Variants in LRFN1 observed in about 807,000 individuals in gnomAD.
The protein encoded by LRFN1 is leucine rich repeat and fibronectin type III domain containing 1.
LRFN1 carries 20 observed loss-of-function variants against 31.8 expected under a neutral mutation model. The ratio of observed to expected loss-of-function variants is 0.63; its 90% CI spans 0.44 to 0.91. The LOEUF (loss-of-function observed/expected upper bound fraction) is 0.91. Among genes scored for constraint, LRFN1 ranks in the 40% least tolerant of loss-of-function variants. The pLI, the probability that LRFN1 is intolerant of heterozygous loss-of-function variation, is 0.00. For missense variants in LRFN1, 912 were observed against 1,129.8 expected (o/e 0.81, Z 2.76); for synonymous variants, 514 against 541.3 (o/e 0.95, Z 0.70).
intron 1 of LRFN1, among the ~76,000 whole-genome samples, chr19:39,320,363 C>T (rs1278275780): frequency 6.6e-6 from 1 of 151,812 alleles, no homozygotes; most frequent in African/African-American, 2.4e-5. Context: ...CGAGCGGGCA[C>T]ACCCGGCTCC....
Position 39,315,169 on chromosome 19 carries a change from C to T in LRFN1, c.168G>A (p.Leu56=). The T allele has an allele frequency of 1.3e-6, 2 of 1,589,790 alleles. No individual in the cohort carries two copies. Among genetic ancestry groups the T allele is most frequent in the Non-Finnish European group, 8.5e-7 (1 of 1,174,978 alleles). The change falls in exon 4 of 5, where the codon TTG becomes TTA. Residue 56 remains leucine, a synonymous_variant. Transcript: ENST00000248668. The surrounding 1 kb of genome is among the most constrained non-coding windows in gnomAD (Gnocchi z 4.7). ...TLTMLCAKTG[L]LFVPPAIDRR... ...GGTCGATGGCGGGCGGCACAAAGAGCAAGCCGGTCTTGGCGCACAGCATTG... is the reference window on the plus strand; with the variant it reads ...GGTCGATGGCGGGCGGCACAAAGAGTAAGCCGGTCTTGGCGCACAGCATTG...
At chr19:39,317,454 G>A (rs1489392897) in intron 2 of LRFN1, among the ~76,000 whole-genome samples, 1 of 152,200 alleles carries the variant, frequency 6.6e-6, no homozygotes, top group East Asian at 1.9e-4. Context: ...TGGCTGTGGG[G>A]TCTTCAGGGC....
Position 39,308,561 on chromosome 19 carries a change from T to TC in LRFN1, c.1407-20dup, listed in dbSNP as rs2145028807. 3.0e-6 allele frequency: 4 copies of TC among 1,336,606 alleles called. No individual in the cohort carries two copies. Among genetic ancestry groups the TC allele is most frequent in the South Asian group, 1.2e-5 (1 of 80,608 alleles). 82.8% of individuals were successfully genotyped at this position (1,336,606 alleles called of 1,614,324 possible). A position where few individuals can be genotyped will look rare whatever the true frequency, so the allele number is the denominator to read the frequency against. On this transcript the variant is annotated intron_variant, in intron 4 of 4. Coordinates refer to ENST00000248668, the MANE Select transcript of LRFN1 (RefSeq NM_020862.2). This position sits in a 1 kb window ranked among gnomAD's most constrained non-coding sequence, Gnocchi z 6.2. ...GATCATCCTGTAGGAGGGGGCGGGT[T>TC]CAGGGCGGGGTTAGTCCCCCCGAAC...
chr19:39,316,262 GATC>G (rs1372217913), intron 2 of LRFN1, 126 bp from the exon 3 acceptor site: 3 of 152,202 alleles, frequency 2.0e-5, no homozygotes, highest in African/African-American at 7.2e-5. Flanking sequence ...TCATCATCAT[GATC>G]ATCAAGTGCT....
intron 1 of LRFN1, among the ~76,000 whole-genome samples, chr19:39,320,017 C>T (rs923582880): frequency 5.3e-5 from 8 of 150,698 alleles, no homozygotes; most frequent in African/African-American, 2.0e-4. Flanking sequence ...CGGGTCTTCG[C>T]CCCCCAACCC....
At position 39,315,231 on chromosome 19, in the gene LRFN1, C is replaced by T. The variant is rs201998373; in HGVS notation, c.106G>A (p.Gly36Ser). ...AGASRGQPCP[G>S]RCICQNVAPT... ...GCCACGTTCTGGCAGATGCAGCGGC[C>T]GGGGCAGGGCTGGCCACGAGATGCC... Residue 36 changes from glycine (G) to serine (S), a missense_variant, in exon 4 of 5, where the codon GGC (glycine) becomes AGC (serine). Physicochemically the swap from Gly to Ser is moderately conservative, Grantham distance 56. Around this residue, in one of 2 missense-constraint regions of LRFN1, gnomAD observed 401 missense variants for 572.7 expected, o/e 0.70. Transcript: ENST00000248668. This position sits in a 1 kb window ranked among gnomAD's most constrained non-coding sequence, Gnocchi z 4.7. The T allele has an allele frequency of 1.1e-3, 1,666 of 1,560,164 alleles. 2 individuals carry two copies. Among genetic ancestry groups the T allele is most frequent in the Non-Finnish European group, 1.3e-3 (1,543 of 1,159,108 alleles).
In LRFN1 at chr19:39,315,941, C is replaced by G. The variant is rs2075170981; in HGVS notation, c.-38+141G>C. ...AGCTCCCAAACCTCTCATGATCTCC[C>G]AACCAGAGGGGTGACACCTGGCCCA... On this transcript the variant is annotated intron_variant, in intron 3 of 4. Coordinates refer to ENST00000248668, the MANE Select transcript of LRFN1 (RefSeq NM_020862.2). The surrounding 1 kb of genome is among the most constrained non-coding windows in gnomAD (Gnocchi z 4.7). 4.6e-5 allele frequency: 7 copies of G among 152,316 alleles called. No homozygotes were observed. The highest frequency in any genetic ancestry group is 3.9e-4 in the Admixed American group (6 of 15,280). 9.4% of individuals were successfully genotyped at this position (152,316 alleles called of 1,614,324 possible).
chr19:39,319,500 G>A (rs1331214455), intron 1 of LRFN1, among the ~76,000 whole-genome samples: 2 of 151,590 alleles, frequency 1.3e-5, no homozygotes, highest in South Asian at 2.1e-4. Flanking sequence ...ACTGGAACAC[G>A]CACACAGGCA....
chr19:39,313,438 C>T (rs993313956), intron 4 of LRFN1, among the ~76,000 whole-genome samples: 11 of 152,020 alleles, frequency 7.2e-5, no homozygotes, highest in African/African-American at 2.2e-4. Flanking sequence ...GGCTGAGGGA[C>T]GAGATTCGCT....
chr19:39,317,220 G>C (rs2075174739), intron 2 of LRFN1, among the ~76,000 whole-genome samples: 1 of 152,116 alleles, frequency 6.6e-6, no homozygotes, highest in African/African-American at 2.4e-5. Flanking sequence ...GAAAAATAGA[G>C]ACAGTATTAG....
rs755458726 is a variant in LRFN1 at position 39,308,435 on chromosome 19, G to A, written c.1514C>T (p.Pro505Leu). The A allele has an allele frequency of 6.2e-7, 1 of 1,611,068 alleles. No individual in the cohort carries two copies. The highest frequency in any genetic ancestry group is 1.7e-5 in the Admixed American group (1 of 59,888). ...AVYDDGATAL[P>L]ATRVVGCVQF... is the part of the protein sequence containing the mutation. ...TACACAGCCCACCACTCGCGTTGCC[G>A]GCAGCGCTGTGGCCCCGTCGTCGTA... Residue 505 changes from proline to leucine, a missense_variant, in exon 5 of 5, where the codon CCG becomes CTG. Physicochemically the swap from Pro to Leu is moderately conservative, Grantham distance 98. Transcript: ENST00000248668. The surrounding 1 kb of genome is among the most constrained non-coding windows in gnomAD (Gnocchi z 6.2).
At chr19:39,320,452 G>A (rs1411621801) in intron 1 of LRFN1, among the ~76,000 whole-genome samples, 2 of 151,716 alleles carry the variant, frequency 1.3e-5, no homozygotes, top group Non-Finnish European at 1.5e-5. Flanking sequence ...GCTTGGGGGG[G>A]ACCCACACCT....
At chr19:39,313,905 C>A in intron 4 of LRFN1, 26 bp downstream of exon 4, 1 of 1,562,918 alleles carries the variant, frequency 6.4e-7, no homozygotes, top group Non-Finnish European at 8.7e-7. Flanking sequence ...GGGAGGAGGC[C>A]CTGGGACTGC....
Position 39,308,495 on chromosome 19 carries a change from G to A in LRFN1, c.1454C>T (p.Ala485Val), listed in dbSNP as rs769885912. The change falls in exon 5 of 5, where the codon GCG (alanine) becomes GTG (valine). Residue 485 changes from alanine (A) to valine (V), a missense_variant. By Grantham distance (64) the Ala-to-Val change is moderately conservative (BLOSUM62 0). Around this residue, in one of 2 missense-constraint regions of LRFN1, gnomAD observed 511 missense variants for 557.0 expected, o/e 0.92. Transcript: ENST00000248668. The surrounding 1 kb of genome is among the most constrained non-coding windows in gnomAD (Gnocchi z 6.2). ...SQTFLVNDLAAGRAYDLCVLA... is the reference protein window; with the variant it reads ...SQTFLVNDLAVGRAYDLCVLA... ...CACGCACAAGTCGTAGGCACGGCCC[G>A]CCGCCAGGTCATTCACCAGGAAGGT... 12 of 1,601,102 alleles carry A rather than the reference G, an allele frequency of 7.5e-6. No homozygotes were observed. In the Admixed American group the frequency reaches 1.2e-4, roughly 16 times the overall value.
In LRFN1 at chr19:39,307,952, G is replaced by A; in HGVS notation, c.1997C>T (p.Ala666Val). ...EETSGEESRAAVGPRRSRSGA... is the reference protein window; with the variant it reads ...EETSGEESRAVVGPRRSRSGA... The stretch of plus-strand genomic sequence containing the variant: ...GGATCGGCTCCTTCGAGGGCCCACC[G>A]CGGCCCGAGACTCCTCCCCGGAAGT... The change falls in exon 5 of 5, where the codon GCG becomes GTG. Residue 666 changes from alanine (A) to valine (V), a missense_variant. Ala to Val is a moderately conservative substitution (Grantham distance 64). Coordinates refer to ENST00000248668, the MANE Select transcript of LRFN1 (RefSeq NM_020862.2). The surrounding 1 kb of genome is among the most constrained non-coding windows in gnomAD (Gnocchi z 6.7). 6.4e-7 allele frequency: 1 copy of A among 1,566,936 alleles called. No homozygotes were observed. The highest frequency in any genetic ancestry group is 8.6e-7 in the Non-Finnish European group (1 of 1,165,170).
At chr19:39,317,056 A>AG (rs2075174311) in intron 2 of LRFN1, among the ~76,000 whole-genome samples, 1 of 152,062 alleles carries the variant, frequency 6.6e-6, no homozygotes, top group Admixed American at 6.6e-5. Flanking sequence ...AGGGGGAGGG[A>AG]GAAGTGGACT....
At chr19:39,313,013 GAGAC>G (rs2075156298) in intron 4 of LRFN1, among the ~76,000 whole-genome samples, 1 of 152,154 alleles carries the variant, frequency 6.6e-6, no homozygotes, top group Non-Finnish European at 1.5e-5. Flanking sequence ...AGAGAAGGTA[GAGAC>G]AGACAGAGAG....
chr19:39,314,800 C>T lies in LRFN1; in HGVS notation c.537G>A (p.Trp179Ter). Residue 179 changes from tryptophan (W) to a stop codon, truncating the protein, a stop_gained, in exon 4 of 5, where the codon TGG (tryptophan) becomes TGA (stop). Coordinates refer to ENST00000248668, the MANE Select transcript of LRFN1 (RefSeq NM_020862.2). LOFTEE classifies it high-confidence loss of function. Reference protein sequence around the residue: ...LSYNNLEALPWEAVGQMVNLN... With the variant: ...LSYNNLEALP ...GGTTCACCATCTGGCCCACCGCCTC[C>T]CACGGCAGGGCCTCCAGGTTGTTGT... is the stretch of plus-strand genomic sequence containing the variant. The T allele has an allele frequency of 6.2e-7, 1 of 1,613,184 alleles. No individual in the cohort carries two copies. The highest frequency in any genetic ancestry group is 8.5e-7 in the Non-Finnish European group (1 of 1,179,562).
rs1446463078 is a variant in LRFN1, at chr19:39,308,417, C to A, written c.1532G>T (p.Gly511Val). 1 of 1,611,208 alleles carries A rather than the reference C, an allele frequency of 6.2e-7. No individual in the cohort carries two copies. Among genetic ancestry groups the A allele is most frequent in the Admixed American group, 1.7e-5 (1 of 59,822 alleles). The change falls in exon 5 of 5, where the codon GGC becomes GTC. Residue 511 changes from glycine (G) to valine (V), a missense_variant. Physicochemically the swap from Gly to Val is moderately radical, Grantham distance 109. Coordinates refer to ENST00000248668, the MANE Select transcript of LRFN1 (RefSeq NM_020862.2). The surrounding 1 kb of genome is among the most constrained non-coding windows in gnomAD (Gnocchi z 6.2). ...ATALPATRVV[G>V]CVQFTTAGDP... ...CCCAGCGGTGGTGAACTGTACACAG[C>A]CCACCACTCGCGTTGCCGGCAGCGC...
Sources: allele counts gnomAD v4.1 joint callset (sites outside exome capture counted in the v4.1 genomes callset), GRCh38; gene constraint gnomAD v4.1.1; regional missense constraint gnomAD v4.1.1; non-coding constraint Gnocchi (gnomAD v3.1); transcripts MANE v1.5; gene names NCBI Gene and HGNC (gene_info 2026-07-23, HGNC 2026-07-21).